TACR3: variants seen among roughly 807,000 people sequenced by gnomAD.
TACR3 encodes the protein neuromedin-K receptor.
A neutral mutation model predicts 35.0 loss-of-function variants in TACR3; 34 were observed. That is an observed-to-expected ratio of 0.97 (90% CI 0.74 to 1.30). The LOEUF is 1.30. Among genes scored for constraint, TACR3 ranks in the 50% most tolerant of loss-of-function variants. The pLI is 0.00. For missense variants in TACR3, 558 were observed against 591.7 expected (o/e 0.94, Z 0.59); for synonymous variants, 233 against 221.1 (o/e 1.05, Z -0.48).
At chr4:103,598,227 G>C (rs982614530) in intron 3 of TACR3, among the ~76,000 whole-genome samples, 14 of 152,176 alleles carry the variant, frequency 9.2e-5, no homozygotes, top group Non-Finnish European at 2.1e-4. Flanking sequence ...TTTTTCATGT[G>C]TTTTTCGGCT....
chr4:103,677,438 A>C (rs998337667), intron 1 of TACR3, among the ~76,000 whole-genome samples: 1 of 152,110 alleles, frequency 6.6e-6, no homozygotes, highest in East Asian at 1.9e-4. Flanking sequence ...ATTCACAAAA[A>C]CAAAGACATA....
Position 103,696,059 on chromosome 4 carries a change from G to T in TACR3, c.548+23069C>A, listed in dbSNP as rs144199297. The stretch of plus-strand genomic sequence containing the variant: ...TCTCTGACAAAGGTATTTTCAATAA[G>T]TTACAATGTTTGGTAAATAGAATGA... On this transcript the variant is annotated intron_variant, in intron 1 of 4. Coordinates refer to ENST00000304883, the MANE Select transcript of TACR3 (RefSeq NM_001059.3). 5.6e-3 allele frequency among the ~76,000 whole-genome samples: 854 copies of T among 151,974 alleles called. 10 individuals are homozygous for T. Among genetic ancestry groups the T allele is most frequent in the African/African-American group, 0.02 (823 of 41,440 alleles).
chr4:103,648,875 AT>A (rs1725520387), intron 3 of TACR3, among the ~76,000 whole-genome samples: 1 of 152,122 alleles, frequency 6.6e-6, no homozygotes, highest in Non-Finnish European at 1.5e-5. Flanking sequence ...ACTGTTCTCC[AT>A]AGTGTTTGTG....
At position 103,606,874 on chromosome 4, in the gene TACR3, G is replaced by T. The variant is rs549705656; in HGVS notation, c.889-15191C>A. Among the ~76,000 whole-genome samples, 348 of 152,284 alleles carry T rather than the reference G, an allele frequency of 2.3e-3. 1 individual carries two copies. Among genetic ancestry groups the T allele is most frequent in the Non-Finnish European group, 4.0e-3 (270 of 68,024 alleles). ...CAACACTATGTTGAATAGGAGTGTT[G>T]AGAGAGGGCATCCCTGTCTTGTGCC... On this transcript the variant is annotated intron_variant, in intron 3 of 4. Transcript: ENST00000304883.
chr4:103,708,189 G>A (rs751724707), intron 1 of TACR3, among the ~76,000 whole-genome samples: 4 of 152,184 alleles, frequency 2.6e-5, no homozygotes, highest in East Asian at 1.9e-4. Context: ...ATCTGAGCAC[G>A]GACAGACTGC....
chr4:103,610,047 T>C (rs1056521964), intron 3 of TACR3, among the ~76,000 whole-genome samples: 2 of 152,178 alleles, frequency 1.3e-5, no homozygotes, highest in Non-Finnish European at 2.9e-5. Context: ...ATTCCACTTC[T>C]TGGCTATTGT....
At chr4:103,597,754 C>T (rs531470142) in intron 3 of TACR3, among the ~76,000 whole-genome samples, 7 of 152,218 alleles carry the variant, frequency 4.6e-5, no homozygotes, top group African/African-American at 1.7e-4. Context: ...TTTCCAGTTT[C>T]ATCCATGTCC....
At chr4:103,613,606 C>A (rs1273019200) in intron 3 of TACR3, among the ~76,000 whole-genome samples, 4 of 152,138 alleles carry the variant, frequency 2.6e-5, no homozygotes, top group African/African-American at 9.6e-5. Flanking sequence ...GGATTATAGG[C>A]ATGAGCCACC....
intron 3 of TACR3, among the ~76,000 whole-genome samples, chr4:103,654,755 A>G (rs1018145044): frequency 6.6e-6 from 1 of 152,120 alleles, no homozygotes; most frequent in Non-Finnish European, 1.5e-5. Flanking sequence ...TACTATAGAG[A>G]AATTATTCTG....
intron 1 of TACR3, among the ~76,000 whole-genome samples, chr4:103,671,586 ATAG>A (rs1726057771): frequency 6.6e-6 from 1 of 151,964 alleles, no homozygotes; most frequent in Admixed American, 6.6e-5. Flanking sequence ...TAGTTGCACA[ATAG>A]TAGTCTCTAA....
At chr4:103,717,477 A>G (rs184056691) in intron 1 of TACR3, among the ~76,000 whole-genome samples, 341 of 152,310 alleles carry the variant, frequency 2.2e-3, no homozygotes, top group African/African-American at 7.8e-3. Context: ...TAACTCCAAG[A>G]CAATCCCATA....
intron 4 of TACR3, among the ~76,000 whole-genome samples, chr4:103,590,666 G>C (rs1372281874): frequency 2.6e-5 from 4 of 151,888 alleles, no homozygotes; most frequent in African/African-American, 9.7e-5. Context: ...ACTGAGAAGA[G>C]AGCTTAGGAT....
intron 1 of TACR3, among the ~76,000 whole-genome samples, chr4:103,704,282 A>G (rs1455079258): frequency 6.6e-6 from 1 of 152,144 alleles, no homozygotes; most frequent in Non-Finnish European, 1.5e-5. Context: ...ATTTGGATGC[A>G]ATGTGTTAAA....
At chr4:103,707,949 G>A (rs1438107069) in intron 1 of TACR3, among the ~76,000 whole-genome samples, 1 of 152,214 alleles carries the variant, frequency 6.6e-6, no homozygotes, top group Admixed American at 6.5e-5. Flanking sequence ...CAGTGAGGCT[G>A]CTGGAGGGGC....
chr4:103,693,154 GTTT>G (rs897198269), intron 1 of TACR3, among the ~76,000 whole-genome samples: 68 of 152,012 alleles, frequency 4.5e-4, no homozygotes, highest in African/African-American at 1.6e-3. Flanking sequence ...TATCATTATG[GTTT>G]TTATCTGTAA....
At chr4:103,716,718 C>T (rs769938701) in intron 1 of TACR3, among the ~76,000 whole-genome samples, 5 of 152,098 alleles carry the variant, frequency 3.3e-5, no homozygotes, top group South Asian at 2.1e-4. Context: ...TTCAAGATCA[C>T]GGGTCTTTTG....
intron 1 of TACR3, among the ~76,000 whole-genome samples, chr4:103,710,384 G>A (rs967171664): frequency 6.6e-5 from 10 of 152,242 alleles, no homozygotes; most frequent in Admixed American, 1.3e-4. Flanking sequence ...CATGGAAACT[G>A]AACAACGTGC....
At chr4:103,715,954 A>C (rs180938846) in intron 1 of TACR3, among the ~76,000 whole-genome samples, 2 of 152,276 alleles carry the variant, frequency 1.3e-5, no homozygotes, top group East Asian at 3.9e-4. Context: ...CTAAATTCTA[A>C]TTTGATTAAA....
chr4:103,636,570 C>T (rs1355330754), intron 3 of TACR3, among the ~76,000 whole-genome samples: 1 of 151,762 alleles, frequency 6.6e-6, no homozygotes, highest in Non-Finnish European at 1.5e-5. Flanking sequence ...TAGCAGAAGG[C>T]AAGAAATAAC....
Sources: gnomAD v4.1 joint callset for allele counts (sites outside exome capture counted in the v4.1 genomes callset) on GRCh38, gnomAD v4.1.1 for gene constraint, MANE v1.5 for transcripts, NCBI Gene and HGNC (gene_info 2026-07-23, HGNC 2026-07-21) for gene names.